The following RARB variants were observed in gnomAD, a reference collection of about 807,000 sequenced individuals.
RARB encodes the protein retinoic acid receptor beta.
RARB carries 17 observed loss-of-function variants against 51.9 expected under a neutral mutation model. That is an observed-to-expected ratio of 0.33 (90% CI 0.22 to 0.49). RARB has a LOEUF of 0.49. Among genes scored for constraint, RARB ranks in the 20% least tolerant of loss-of-function variants. RARB has a pLI of 0.99. For synonymous variants in RARB, 215 were observed against 195.4 expected (o/e 1.10, Z -0.84); for missense variants, 369 against 550.8 (o/e 0.67, Z 3.30).
intron 2 of RARB, among the ~76,000 whole-genome samples, chr3:24,958,459 C>CA (rs1348422512): frequency 6.6e-6 from 1 of 151,568 alleles, no homozygotes; most frequent in Non-Finnish European, 1.5e-5. Context: ...TTAATTAAAA[C>CA]AAAAAAACAG....
chr3:25,282,641 C>G (rs6766784), intron 5 of RARB, among the ~76,000 whole-genome samples: 115,289 of 152,082 alleles, frequency 0.76, 43,958 homozygotes, highest in Admixed American at 0.78. Flanking sequence ...GAGTGGATCA[C>G]GCGCTCACAG....
intron 2 of RARB, among the ~76,000 whole-genome samples, chr3:25,027,575 C>T (rs1299541433): frequency 6.6e-6 from 1 of 151,652 alleles, no homozygotes; most frequent in Non-Finnish European, 1.5e-5. Context: ...ATCTATCCCT[C>T]ACATATGACA....
chr3:25,468,129 C>T (rs945552341), intron 2 of RARB, among the ~76,000 whole-genome samples: 2 of 152,108 alleles, frequency 1.3e-5, no homozygotes, highest in Non-Finnish European at 2.9e-5. Context: ...CTTCTTCTGG[C>T]TATGTCCATT....
At chr3:25,427,577 T>C (rs1708030478), upstream of RARB, among the ~76,000 whole-genome samples, 2 of 152,222 alleles carry the variant, frequency 1.3e-5, no homozygotes, top group Admixed American at 6.5e-5. Flanking sequence ...AACCAATTCC[T>C]GACTACTCTA....
rs558991164 is a variant in RARB, at chr3:25,300,611, G to C, written c.178+126036G>C. Among the ~76,000 whole-genome samples the C allele has an allele frequency of 2.6e-5, 4 of 152,252 alleles. No individual in the cohort carries two copies. In the South Asian group the frequency reaches 8.3e-4, roughly 32 times the overall value. On this transcript the variant is annotated intron_variant, in intron 5 of 11. Transcript: ENST00000383772. ...TAACAGGATCATAAAGCCTTTAAAA[G>C]GAGAAACCATAATGGTTACTCAGGG...
intron 1 of RARB, among the ~76,000 whole-genome samples, chr3:25,435,932 CA>C (rs567695874): frequency 2.0e-5 from 3 of 151,780 alleles, no homozygotes; most frequent in African/African-American, 4.8e-5. Flanking sequence ...CATTTTATTA[CA>C]AAAAAAATCA....
Position 25,310,989 on chromosome 3 carries a change from C to T in RARB, c.178+136414C>T, listed in dbSNP as rs1663819769. ...GAGATGTATACATAATGGCCCTGAA[C>T]CTTCAAGTCCAATGGAACAGATGAG... is the stretch of plus-strand genomic sequence containing the variant. On this transcript the variant is annotated intron_variant, in intron 5 of 11. Transcript: ENST00000383772. Among the ~76,000 whole-genome samples the T allele has an allele frequency of 2.0e-5, 3 of 152,192 alleles. No homozygotes were observed. The South Asian group carries it at 6.2e-4, about 31-fold the overall frequency.
chr3:25,122,206 G>A (rs1446128218), intron 3 of RARB, among the ~76,000 whole-genome samples: 1 of 152,054 alleles, frequency 6.6e-6, no homozygotes, highest in African/African-American at 2.4e-5. Context: ...GAAAAAGCAA[G>A]TATTTTGCAA....
chr3:25,234,503 A>G (rs562436680), intron 5 of RARB, among the ~76,000 whole-genome samples: 38 of 152,118 alleles, frequency 2.5e-4, no homozygotes, highest in African/African-American at 8.4e-4. Context: ...TCTGTTTCAA[A>G]TTTTATTCTA....
At chr3:25,112,704 G>A (rs1476648599) in intron 3 of RARB, among the ~76,000 whole-genome samples, 3 of 152,142 alleles carry the variant, frequency 2.0e-5, no homozygotes, top group African/African-American at 7.2e-5. Context: ...CTTGAGTCCA[G>A]GAGTTCTAGG....
chr3:25,454,075 A>C (rs976863291), intron 1 of RARB, among the ~76,000 whole-genome samples: 14 of 152,256 alleles, frequency 9.2e-5, no homozygotes, highest in African/African-American at 3.4e-4. Flanking sequence ...AGGCGACATA[A>C]AAATTAAGTG....
At chr3:25,164,651 T>C (rs1283023277) in intron 4 of RARB, among the ~76,000 whole-genome samples, 1 of 152,248 alleles carries the variant, frequency 6.6e-6, no homozygotes, top group African/African-American at 2.4e-5. Context: ...AAATATTAAA[T>C]ACTTATTTAA....
At chr3:25,498,328 A>T (rs962068480) in intron 2 of RARB, among the ~76,000 whole-genome samples, 2 of 152,202 alleles carry the variant, frequency 1.3e-5, no homozygotes, top group Non-Finnish European at 2.9e-5. Flanking sequence ...TGAGGTTTGT[A>T]TAAACTCATA....
intron 3 of RARB, among the ~76,000 whole-genome samples, chr3:25,128,838 AT>A (rs1345588487): frequency 6.6e-6 from 1 of 152,128 alleles, no homozygotes; most frequent in Non-Finnish European, 1.5e-5. Context: ...TAGAAAAAAA[AT>A]CAAACATTGT....
At chr3:25,595,689 AAG>A (rs1701791506) in intron 7 of RARB, among the ~76,000 whole-genome samples, 1 of 152,202 alleles carries the variant, frequency 6.6e-6, no homozygotes, top group African/African-American at 2.4e-5. Flanking sequence ...CGAGCACTTG[AAG>A]TGTGGCTTAT....
In RARB at chr3:25,453,727, C is replaced by G. The variant is rs561495717; in HGVS notation, c.158-7466C>G. 2.0e-5 allele frequency among the ~76,000 whole-genome samples: 3 copies of G among 152,274 alleles called. No homozygotes were observed. In the South Asian group the frequency reaches 6.2e-4, roughly 32 times the overall value. On this transcript the variant is annotated intron_variant, in intron 1 of 7. Coordinates refer to ENST00000330688, the MANE Select transcript of RARB (RefSeq NM_000965.5). ...TCAGAATAGCAGAGTTTCTCACAAC[C>G]CAGCTCCAGCCCTCGGCCAGGATCC...
intron 5 of RARB, among the ~76,000 whole-genome samples, chr3:25,271,938 G>A (rs187726073): frequency 2.0e-4 from 30 of 152,270 alleles, no homozygotes; most frequent in Non-Finnish European, 2.5e-4. Flanking sequence ...CTCCTGCCTG[G>A]TTGGGAGAGT....
intron 5 of RARB, among the ~76,000 whole-genome samples, chr3:25,203,495 G>C (rs1701449703): frequency 6.6e-6 from 1 of 152,148 alleles, no homozygotes; most frequent in South Asian, 2.1e-4. Context: ...TGGTTATTTT[G>C]CTCATTAGTT....
chr3:25,019,694 G>A (rs1441378042), intron 2 of RARB, among the ~76,000 whole-genome samples: 1 of 152,136 alleles, frequency 6.6e-6, no homozygotes, highest in African/African-American at 2.4e-5. Flanking sequence ...ATTCCCTCTT[G>A]CTGCAGGGCG....
Sources: allele counts gnomAD v4.1 joint callset (sites outside exome capture counted in the v4.1 genomes callset), GRCh38; gene constraint gnomAD v4.1.1; transcripts MANE v1.5; gene names NCBI Gene and HGNC (gene_info 2026-07-23, HGNC 2026-07-21).